The following TNFAIP8 variants were observed in gnomAD, a reference collection of about 807,000 sequenced individuals.
TNFAIP8 encodes the protein tumor necrosis factor alpha-induced protein 8.
TNFAIP8 carries 7 observed loss-of-function variants against 13.3 expected under a neutral mutation model. The observed-to-expected ratio is 0.52, with a 90% CI of 0.30 to 0.99. The LOEUF (loss-of-function observed/expected upper bound fraction) is 0.99. TNFAIP8 is among the 50% of genes least tolerant of loss of function. TNFAIP8 has a pLI of 0.07. For synonymous variants in TNFAIP8, 94 were observed against 87.6 expected, an observed-to-expected ratio of 1.07 and a Z score of -0.41; for missense variants, 258 against 236.9, an observed-to-expected ratio of 1.09 and a Z score of -0.58.
At chr5:119,307,389 T>TAATTTATAAGTAATTA (rs1749598030) in intron 1 of TNFAIP8, among the ~76,000 whole-genome samples, 2 of 152,200 alleles carry the variant, frequency 1.3e-5, no homozygotes, top group African/African-American at 4.8e-5. Context: ...AATTGCTGAG[T>TAATTTATAAGTAATTA]CAGAAGGTGT....
intron 1 of TNFAIP8, among the ~76,000 whole-genome samples, chr5:119,332,674 A>G (rs1750422289): frequency 6.6e-6 from 1 of 152,250 alleles, no homozygotes; most frequent in Admixed American, 6.5e-5. Context: ...TACATACCTA[A>G]TAGGGATCAC....
chr5:119,315,592 G>C (rs572341742), intron 1 of TNFAIP8, among the ~76,000 whole-genome samples: 84 of 152,320 alleles, frequency 5.5e-4, no homozygotes, highest in Admixed American at 1.6e-3. Flanking sequence ...GCAGTGCTGT[G>C]CCACTGTCTG....
chr5:119,324,790 A>G (rs540274270), intron 1 of TNFAIP8, among the ~76,000 whole-genome samples: 10 of 152,104 alleles, frequency 6.6e-5, no homozygotes, highest in Middle Eastern at 3.4e-3. Context: ...TATTGTGCAT[A>G]TCATCATTCC....
At chr5:119,284,498 TG>T (rs1375600326) in intron 1 of TNFAIP8, among the ~76,000 whole-genome samples, 1 of 152,026 alleles carries the variant, frequency 6.6e-6, no homozygotes, top group East Asian at 1.9e-4. Context: ...TTGACCAACA[TG>T]GCAAAACCCC....
At chr5:119,306,646 T>G (rs1749576374) in intron 1 of TNFAIP8, 2 of 151,632 alleles carry the variant, frequency 1.3e-5, no homozygotes, top group Admixed American at 1.3e-4. Flanking sequence ...CTTTTCATTT[T>G]TTTTATGAAA....
intron 1 of TNFAIP8, among the ~76,000 whole-genome samples, chr5:119,270,043 C>G (rs565596796): frequency 1.1e-4 from 17 of 152,150 alleles, no homozygotes; most frequent in Non-Finnish European, 5.9e-5. Context: ...TGATAATAAT[C>G]CATTTATGAA....
At chr5:119,320,895 A>C (rs73235250) in intron 1 of TNFAIP8, among the ~76,000 whole-genome samples, 4,211 of 150,594 alleles carry the variant, frequency 0.028, 201 homozygotes, top group African/African-American at 0.097. Context: ...TAAAAAAAAA[A>C]CAAAAAACGA....
At chr5:119,277,308 G>T (rs532986897) in intron 1 of TNFAIP8, among the ~76,000 whole-genome samples, 4 of 152,210 alleles carry the variant, frequency 2.6e-5, no homozygotes, top group African/African-American at 9.6e-5. Context: ...TTTAAACAAT[G>T]ATCTTTTGAA....
chr5:119,381,443 G>A (rs1452822863), intron 1 of TNFAIP8, among the ~76,000 whole-genome samples: 1 of 152,132 alleles, frequency 6.6e-6, no homozygotes, highest in Admixed American at 6.5e-5. Context: ...AGGAGGCTGA[G>A]GTGGGAGGAT....
Position 119,295,231 on chromosome 5 carries a change from ACCTATAGGTCTAACG to A in TNFAIP8, c.1+26325_1+26339del, listed in dbSNP as rs1749136628. Among the ~76,000 whole-genome samples, 4 of 44,960 alleles carry A rather than the reference ACCTATAGGTCTAACG, an allele frequency of 8.9e-5. No homozygotes were observed. The African/African-American group carries it at 1.3e-3, about 14-fold the overall frequency. The allele number at this position is 44,960 out of a possible 152,430, so 29.5% of individuals were successfully genotyped here. A position where few individuals can be genotyped will look rare whatever the true frequency, so the allele number is the denominator to read the frequency against. ...GGTCTAACGTTTAGTCTAACGTTAG[ACCTATAGGTCTAACG>A]TTTAGTCTAACGTTAGACCTATAGG... On this transcript the variant is annotated intron_variant, in intron 1 of 1. Transcript: ENST00000274456.
intron 1 of TNFAIP8, among the ~76,000 whole-genome samples, chr5:119,271,322 A>C (rs920356916): frequency 1.3e-5 from 2 of 152,178 alleles, no homozygotes; most frequent in African/African-American, 4.8e-5. Context: ...GGTGATCTTT[A>C]AAGTTGAGTC....
intron 1 of TNFAIP8, among the ~76,000 whole-genome samples, chr5:119,324,763 C>T (rs1750168783): frequency 1.3e-5 from 2 of 151,960 alleles, no homozygotes; most frequent in South Asian, 4.1e-4. Flanking sequence ...CTTATTGTCA[C>T]TACCCAGAAA....
At chr5:119,377,298 G>C (rs1012718814) in intron 1 of TNFAIP8, among the ~76,000 whole-genome samples, 3 of 152,004 alleles carry the variant, frequency 2.0e-5, no homozygotes, top group Admixed American at 6.6e-5. Flanking sequence ...AGCTACTTAG[G>C]AGGCTGAGGT....
chr5:119,319,777 C>G (rs940276285), intron 1 of TNFAIP8, among the ~76,000 whole-genome samples: 1 of 152,122 alleles, frequency 6.6e-6, no homozygotes, highest in Admixed American at 6.5e-5. Context: ...TAGCCCATGT[C>G]TAGATATTTT....
chr5:119,271,039 C>G (rs1388026182), intron 1 of TNFAIP8, among the ~76,000 whole-genome samples: 1 of 152,148 alleles, frequency 6.6e-6, no homozygotes, highest in East Asian at 1.9e-4. Flanking sequence ...GACTATATTG[C>G]TAGACATAGT....
At chr5:119,308,228 T>A (rs1443966179) in intron 1 of TNFAIP8, among the ~76,000 whole-genome samples, 1 of 152,146 alleles carries the variant, frequency 6.6e-6, no homozygotes, top group African/African-American at 2.4e-5. Context: ...ATTCCCTCTT[T>A]CCTGCAGGTT....
At chr5:119,354,535 A>T (rs1751308743), upstream of TNFAIP8, 1 of 152,192 alleles carries the variant, frequency 6.6e-6, no homozygotes, top group African/African-American at 2.4e-5. Context: ...CTGAAATAAA[A>T]CCCAAGAGTA....
chr5:119,366,047 G>A (rs1210200516), intron 1 of TNFAIP8, among the ~76,000 whole-genome samples: 1 of 151,868 alleles, frequency 6.6e-6, no homozygotes, highest in African/African-American at 2.4e-5. Context: ...GGGTGTGAGA[G>A]CAACAGGGTG....
At chr5:119,330,484 G>A (rs1432650120) in intron 1 of TNFAIP8, among the ~76,000 whole-genome samples, 1 of 152,194 alleles carries the variant, frequency 6.6e-6, no homozygotes, top group Non-Finnish European at 1.5e-5. Context: ...AGGCCAGCGA[G>A]AGCATGTGTG....
Sources: allele counts gnomAD v4.1 joint callset (sites outside exome capture counted in the v4.1 genomes callset), GRCh38; gene constraint gnomAD v4.1.1; transcripts MANE v1.5; gene names NCBI Gene and HGNC (gene_info 2026-07-23, HGNC 2026-07-21).